Variants in ARL15 observed in about 807,000 individuals in gnomAD.
ARL15 encodes ARF like GTPase 15.
A neutral mutation model predicts 25.2 loss-of-function variants in ARL15; 19 were observed. That is an observed-to-expected ratio of 0.75 (90% CI 0.53 to 1.10). The LOEUF is 1.10. Among genes scored for constraint, ARL15 ranks in the 50% least tolerant of loss-of-function variants. The pLI, the probability that ARL15 is intolerant of heterozygous loss-of-function variation, is 0.00. For synonymous variants in ARL15, 94 were observed against 86.8 expected (o/e 1.08, Z -0.46); for missense variants, 220 against 246.0 (o/e 0.89, Z 0.71).
chr5:54,140,421 T>C (rs1369756250), intron 3 of ARL15, among the ~76,000 whole-genome samples: 8 of 70,654 alleles, frequency 1.1e-4, no homozygotes, highest in African/African-American at 1.6e-4. Context: ...GATAGACAGA[T>C]AGATAGATAG....
intron 4 of ARL15, among the ~76,000 whole-genome samples, chr5:53,978,294 G>T (rs558054382): frequency 1.3e-5 from 2 of 152,156 alleles, no homozygotes; most frequent in Non-Finnish European, 2.9e-5. Context: ...TGAAATAGTG[G>T]TATCTGTATG....
intron 4 of ARL15, among the ~76,000 whole-genome samples, chr5:54,071,966 C>T (rs1372508232): frequency 4.4e-5 from 6 of 135,834 alleles, no homozygotes; most frequent in East Asian, 2.1e-4. Context: ...AGCGAGACTC[C>T]GTCTCAAAAA....
chr5:54,126,547 G>C (rs1052849333), intron 3 of ARL15, among the ~76,000 whole-genome samples: 1 of 152,206 alleles, frequency 6.6e-6, no homozygotes, highest in Non-Finnish European at 1.5e-5. Context: ...TGATTTGAAT[G>C]TGTCCCCCAA....
At chr5:54,183,269 T>C (rs1409540415) in intron 1 of ARL15, among the ~76,000 whole-genome samples, 1 of 99,518 alleles carries the variant, frequency 1.0e-5, no homozygotes, top group Non-Finnish European at 2.1e-5. Context: ...CCATTCAGTA[T>C]GATATTGGCT....
chr5:54,093,163 G>C (rs935959739), intron 4 of ARL15, among the ~76,000 whole-genome samples: 2 of 152,166 alleles, frequency 1.3e-5, no homozygotes, highest in Non-Finnish European at 2.9e-5. Flanking sequence ...TTGAATTCTT[G>C]GTAATCACTG....
rs188245289 is a variant in ARL15, at chr5:54,122,850, T to C, written c.254-9440A>G. ...TTTTGCTTAAGCATTCTAATTTCAC[T>C]GGTTACCTGTCTCCATAGCTCTACT... is the stretch of plus-strand genomic sequence containing the variant. On this transcript the variant is annotated intron_variant, in intron 3 of 4. Coordinates refer to ENST00000504924, the MANE Select transcript of ARL15 (RefSeq NM_019087.3). 1.6e-3 allele frequency among the ~76,000 whole-genome samples: 249 copies of C among 152,350 alleles called. 2 individuals are homozygous for C. The highest frequency in any genetic ancestry group is 8.1e-3 in the Admixed American group (124 of 15,306).
At chr5:54,127,220 C>A (rs1412858044) in intron 3 of ARL15, among the ~76,000 whole-genome samples, 1 of 152,188 alleles carries the variant, frequency 6.6e-6, no homozygotes, top group Non-Finnish European at 1.5e-5. Context: ...ATATGTGCCA[C>A]ATTTTCTTAA....
intron 1 of ARL15, among the ~76,000 whole-genome samples, chr5:54,241,528 CAAAT>C (rs1425342696): frequency 6.6e-6 from 1 of 152,062 alleles, no homozygotes; most frequent in Non-Finnish European, 1.5e-5. Context: ...ATGTGCTTCT[CAAAT>C]AATACTCTCT....
Position 54,261,132 on chromosome 5 carries a change from C to T in ARL15, c.48+49300G>A, listed in dbSNP as rs1181570391. Among the ~76,000 whole-genome samples the T allele has an allele frequency of 2.0e-5, 3 of 152,130 alleles. 1 individual carries two copies. The highest frequency in any genetic ancestry group is 7.2e-5 in the African/African-American group (3 of 41,414). The stretch of plus-strand genomic sequence containing the variant: ...ACTTCACCATGAGTTTCCTTGTAGA[C>T]CCAGTAAGAGACACATGGTACAACT... On this transcript the variant is annotated intron_variant, in intron 1 of 4. Coordinates refer to ENST00000504924, the MANE Select transcript of ARL15 (RefSeq NM_019087.3).
intron 1 of ARL15, among the ~76,000 whole-genome samples, chr5:54,291,586 GAATTA>G (rs1390572255): frequency 6.6e-6 from 1 of 152,092 alleles, no homozygotes; most frequent in African/African-American, 2.4e-5. Flanking sequence ...TAACTCTACT[GAATTA>G]AATAAGCAAG....
intron 4 of ARL15, among the ~76,000 whole-genome samples, chr5:54,097,143 C>T (rs1289811894): frequency 6.6e-6 from 1 of 152,108 alleles, no homozygotes; most frequent in Non-Finnish European, 1.5e-5. Flanking sequence ...GGTGAAACCT[C>T]GTCTGTACTA....
At chr5:53,980,825 C>A (rs1748095007) in intron 4 of ARL15, among the ~76,000 whole-genome samples, 1 of 152,136 alleles carries the variant, frequency 6.6e-6, no homozygotes, top group African/African-American at 2.4e-5. Context: ...TTCTCTCAAA[C>A]TGCCCTGTAG....
chr5:54,101,624 A>C (rs1752441224), intron 4 of ARL15, among the ~76,000 whole-genome samples: 1 of 152,140 alleles, frequency 6.6e-6, no homozygotes, highest in African/African-American at 2.4e-5. Context: ...AAAGAAAACA[A>C]GGAGCTTCTC....
At chr5:54,228,888 T>C (rs551219606) in intron 1 of ARL15, among the ~76,000 whole-genome samples, 5 of 152,316 alleles carry the variant, frequency 3.3e-5, no homozygotes, top group South Asian at 4.1e-4. Context: ...ATAGTATTAC[T>C]TTAAAAGCAC....
chr5:54,269,700 C>A (rs10072882), intron 1 of ARL15, among the ~76,000 whole-genome samples: 1 of 152,114 alleles, frequency 6.6e-6, no homozygotes, highest in East Asian at 1.9e-4. Context: ...GGCTGGAGTG[C>A]GGTGGCGCGA....
chr5:53,994,829 A>G (rs562814391), intron 4 of ARL15, among the ~76,000 whole-genome samples: 1 of 152,186 alleles, frequency 6.6e-6, no homozygotes, highest in East Asian at 1.9e-4. Context: ...CAAACCTCAA[A>G]TCAACACTTA....
intron 1 of ARL15, among the ~76,000 whole-genome samples, chr5:54,190,607 A>T (rs581938): frequency 0.026 from 3,891 of 152,204 alleles, 157 homozygotes; most frequent in African/African-American, 0.089. Flanking sequence ...GAAGGATGAA[A>T]AGGGCCTAGC....
chr5:54,257,803 G>A (rs572789770), intron 1 of ARL15, among the ~76,000 whole-genome samples: 1 of 152,212 alleles, frequency 6.6e-6, no homozygotes, highest in South Asian at 2.1e-4. Flanking sequence ...AGGCAAAACA[G>A]GGATAGGTAC....
intron 1 of ARL15, among the ~76,000 whole-genome samples, chr5:54,210,362 A>G (rs969219135): frequency 2.6e-5 from 4 of 152,236 alleles, no homozygotes; most frequent in African/African-American, 7.2e-5. Flanking sequence ...TTATTTTACT[A>G]TAATCCACTC....
Sources: gnomAD v4.1 joint callset for allele counts (sites outside exome capture counted in the v4.1 genomes callset) on GRCh38, gnomAD v4.1.1 for gene constraint, MANE v1.5 for transcripts, NCBI Gene and HGNC (gene_info 2026-07-23, HGNC 2026-07-21) for gene names.